The following SHANK2 variants were observed in gnomAD, a reference collection of about 807,000 sequenced individuals.
SHANK2 encodes the protein SH3 and multiple ankyrin repeat domains protein 2.
A neutral mutation model predicts 133.7 loss-of-function variants in SHANK2; 43 were observed. The ratio of observed to expected loss-of-function variants is 0.32; its 90% CI spans 0.25 to 0.41. SHANK2 has a LOEUF of 0.41. Among genes scored for constraint, SHANK2 ranks in the 10% least tolerant of loss-of-function variants. The probability of loss-of-function intolerance (pLI) is 1.00; values close to 1 mark genes in which losing one functional copy is unlikely to be tolerated. For missense variants in SHANK2, 1,994 were observed against 2,235.8 expected, an observed-to-expected ratio of 0.89 and a Z score of 2.18; for synonymous variants, 1,017 against 952.8, an observed-to-expected ratio of 1.07 and a Z score of -1.24.
chr11:70,534,780 A>G (rs570774392), intron 17 of SHANK2, among the ~76,000 whole-genome samples: 2 of 152,332 alleles, frequency 1.3e-5, no homozygotes, highest in African/African-American at 4.8e-5. Flanking sequence ...TTCAGACACT[A>G]CTGCACAGAC....
At chr11:70,794,334 TC>T (rs1344526692) in intron 14 of SHANK2, among the ~76,000 whole-genome samples, 15 of 150,686 alleles carry the variant, frequency 1.0e-4, no homozygotes, top group Non-Finnish European at 2.2e-4. Flanking sequence ...ATAGCTGATA[TC>T]ACAGGCATTA....
Position 71,199,583 on chromosome 11 carries a change from G to A in SHANK2, c.-13+25114C>T, listed in dbSNP as rs575348878. On this transcript the variant is annotated intron_variant, in intron 2 of 25. Transcript: ENST00000601538. ...CTAAAACGTGCACACTCCCCAAGCC[G>A]CAGCCCACGCAAAGCAGCTGCAGCC... 2.3e-3 allele frequency among the ~76,000 whole-genome samples: 344 copies of A among 152,308 alleles called. 2 individuals are homozygous for A. Among genetic ancestry groups the A allele is most frequent in the African/African-American group, 8.0e-3 (331 of 41,574 alleles).
intron 11 of SHANK2, among the ~76,000 whole-genome samples, chr11:70,832,947 G>A (rs1343427440): frequency 6.6e-6 from 1 of 152,202 alleles, no homozygotes; most frequent in African/African-American, 2.4e-5. Context: ...CAGAGTGGCT[G>A]AGCCAGTGTC....
At chr11:70,655,016 G>A (rs1462908044) in intron 17 of SHANK2, among the ~76,000 whole-genome samples, 1 of 152,052 alleles carries the variant, frequency 6.6e-6, no homozygotes, top group South Asian at 2.1e-4. Flanking sequence ...TGATCCACCC[G>A]TCTTGGCCTC....
At chr11:71,120,915 C>G (rs1555101372) in intron 3 of SHANK2, among the ~76,000 whole-genome samples, 1 of 152,246 alleles carries the variant, frequency 6.6e-6, no homozygotes, top group Admixed American at 6.5e-5. Flanking sequence ...CTTGGAGGAG[C>G]ACAGGGCTCC....
At chr11:71,062,727 G>C (rs1951001869) in intron 9 of SHANK2, among the ~76,000 whole-genome samples, 1 of 152,154 alleles carries the variant, frequency 6.6e-6, no homozygotes, top group South Asian at 2.1e-4. Flanking sequence ...TGGGCATGGT[G>C]GCTCACACTT....
At chr11:70,579,904 C>T (rs879972569) in intron 17 of SHANK2, among the ~76,000 whole-genome samples, 7 of 152,118 alleles carry the variant, frequency 4.6e-5, no homozygotes, top group Non-Finnish European at 8.8e-5. Context: ...AGATGGAGGA[C>T]CACAAGCCAA....
chr11:70,850,644 C>T (rs184473795), intron 11 of SHANK2, among the ~76,000 whole-genome samples: 2 of 152,334 alleles, frequency 1.3e-5, no homozygotes, highest in East Asian at 3.9e-4. Flanking sequence ...GGGGCTTGGG[C>T]CTCGAGTCAC....
At chr11:70,517,351 T>C (rs2059278412) in intron 17 of SHANK2, among the ~76,000 whole-genome samples, 1 of 152,184 alleles carries the variant, frequency 6.6e-6, no homozygotes. Flanking sequence ...GATCCAGCAA[T>C]TGTGCTCCTT....
chr11:70,555,579 A>T (rs2059818358), intron 17 of SHANK2, among the ~76,000 whole-genome samples: 1 of 152,214 alleles, frequency 6.6e-6, no homozygotes, highest in Admixed American at 6.5e-5. Flanking sequence ...CAAATAAATT[A>T]GCTGGACATG....
chr11:71,229,367 G>C (rs1333064678), intron 1 of SHANK2, among the ~76,000 whole-genome samples: 1 of 152,188 alleles, frequency 6.6e-6, no homozygotes, highest in East Asian at 1.9e-4. Context: ...AATGAGTTGA[G>C]CAAGGTCACA....
chr11:70,793,778 T>C (rs1555048529), intron 14 of SHANK2, among the ~76,000 whole-genome samples: 1 of 152,208 alleles, frequency 6.6e-6, no homozygotes, highest in Non-Finnish European at 1.5e-5. Flanking sequence ...TGGTAGTTTC[T>C]TATAAAATGA....
intron 2 of SHANK2, among the ~76,000 whole-genome samples, chr11:71,180,246 G>A (rs571495938): frequency 6.6e-6 from 1 of 152,332 alleles, no homozygotes; most frequent in Non-Finnish European, 1.5e-5. Flanking sequence ...CCAACACCTT[G>A]TTATTTATCA....
rs35942485 is a variant in SHANK2, at chr11:70,898,313, T to A, written c.1108-1746A>T. On this transcript the variant is annotated intron_variant, in intron 10 of 25. Coordinates refer to ENST00000601538, the MANE Select transcript of SHANK2 (RefSeq NM_012309.5). ...ACACACACACACACACACACACACA[T>A]ATATATATGTGTATATATATATATG... Among the ~76,000 whole-genome samples, 84 of 81,196 alleles carry A rather than the reference T, an allele frequency of 1.0e-3. 1 individual carries two copies. The highest frequency in any genetic ancestry group is 3.1e-3 in the African/African-American group (80 of 25,632). 53.3% of individuals were successfully genotyped at this position (81,196 alleles called of 152,430 possible). A position where few individuals can be genotyped will look rare whatever the true frequency, so the allele number is the denominator to read the frequency against.
At chr11:70,758,432 C>T (rs552673639) in intron 14 of SHANK2, among the ~76,000 whole-genome samples, 4 of 152,318 alleles carry the variant, frequency 2.6e-5, no homozygotes, top group South Asian at 2.1e-4. Context: ...TCCGATCCAG[C>T]GAGGCGGCGC....
chr11:70,720,561 A>G (rs1368807388), intron 14 of SHANK2, among the ~76,000 whole-genome samples: 1 of 152,154 alleles, frequency 6.6e-6, no homozygotes, highest in East Asian at 1.9e-4. Flanking sequence ...CATCCGTCAC[A>G]CCCCCATGGC....
chr11:71,130,503 A>C (rs868979176), intron 3 of SHANK2, among the ~76,000 whole-genome samples: 1 of 152,304 alleles, frequency 6.6e-6, no homozygotes. Flanking sequence ...GATTGTAGTG[A>C]GGGCAAGGAA....
chr11:71,071,231 C>G (rs1457016843), intron 9 of SHANK2, among the ~76,000 whole-genome samples: 1 of 152,184 alleles, frequency 6.6e-6, no homozygotes, highest in Non-Finnish European at 1.5e-5. Context: ...ATGTGTTTTT[C>G]TAATGCAGCT....
rs549671020 is a variant in SHANK2, at chr11:71,156,150, A to G, written c.-12-8812T>C. 1.8e-4 allele frequency among the ~76,000 whole-genome samples: 28 copies of G among 152,340 alleles called. No homozygotes were observed. The South Asian group carries it at 5.8e-3, about 32-fold the overall frequency. ...CCTTGATCTTGGACAAACAGCCTCCAGGACTGTGAGACCATCAATGTCTGT... is the reference window on the plus strand; with the variant it reads ...CCTTGATCTTGGACAAACAGCCTCCGGGACTGTGAGACCATCAATGTCTGT... On this transcript the variant is annotated intron_variant, in intron 2 of 25. Transcript: ENST00000601538.
Sources: gnomAD v4.1 joint callset for allele counts (sites outside exome capture counted in the v4.1 genomes callset) on GRCh38, gnomAD v4.1.1 for gene constraint, MANE v1.5 for transcripts, NCBI Gene and HGNC (gene_info 2026-07-23, HGNC 2026-07-21) for gene names.